HOMER1: variants seen among roughly 807,000 people sequenced by gnomAD.
HOMER1 encodes homer protein homolog 1.
In HOMER1, 3 loss-of-function variants were observed where a neutral mutation model predicts 48.9. That is an observed-to-expected ratio of 0.06 (90% CI 0.03 to 0.16). The LOEUF is 0.16. HOMER1 is among the 10% of genes least tolerant of loss of function. The probability of loss-of-function intolerance (pLI) is 1.00; values close to 1 mark genes in which losing one functional copy is unlikely to be tolerated. For missense variants in HOMER1, 247 were observed against 411.4 expected (o/e 0.60, Z 3.46); for synonymous variants, 134 against 146.4 (o/e 0.92, Z 0.61).
chr5:79,443,436 C>A (rs185395995), intron 4 of HOMER1, among the ~76,000 whole-genome samples: 1 of 152,046 alleles, frequency 6.6e-6, no homozygotes, highest in Non-Finnish European at 1.5e-5. Flanking sequence ...TGGAGCTCAC[C>A]GATCTGAGTT....
At chr5:79,465,651 G>C (rs6865200) in intron 1 of HOMER1, among the ~76,000 whole-genome samples, 37,840 of 136,678 alleles carry the variant, frequency 0.28, 5,128 homozygotes, top group South Asian at 0.4. Flanking sequence ...GGAGTGCAGT[G>C]GTGCAATCTT....
rs372276174 is a variant in HOMER1 at position 79,485,134 on chromosome 5, A to G, written c.5+27636T>C. 5.3e-5 allele frequency among the ~76,000 whole-genome samples: 8 copies of G among 151,870 alleles called. No individual in the cohort carries two copies. In the East Asian group the frequency reaches 1.4e-3, roughly 26 times the overall value. ...AAACAAAAACACTAGTACTGAGTGA[A>G]GGTGTGTTTTGCTTTCCCTGAGTAA... On this transcript the variant is annotated intron_variant, in intron 1 of 8. Transcript: ENST00000334082.
intron 1 of HOMER1, among the ~76,000 whole-genome samples, chr5:79,504,915 G>C (rs914597072): frequency 1.3e-5 from 2 of 152,138 alleles, no homozygotes; most frequent in African/African-American, 2.4e-5. Flanking sequence ...TTGTGGGTTA[G>C]GAAGCACAGC....
At chr5:79,406,195 A>G (rs1481167450) in intron 5 of HOMER1, among the ~76,000 whole-genome samples, 1 of 152,222 alleles carries the variant, frequency 6.6e-6, no homozygotes, top group East Asian at 1.9e-4. Flanking sequence ...AGATTCTTCA[A>G]ATTCATCCTA....
In HOMER1 at chr5:79,378,275, ACT is replaced by A. The variant is rs757107110; in HGVS notation, c.877-2080_877-2079del. On this transcript the variant is annotated intron_variant, in intron 8 of 8. Transcript: ENST00000334082. ...GCTCAAATACATTTAAAAAGTAATA[ACT>A]CTGGGTTATCTTTGTCAGTGGTTTG... Among the ~76,000 whole-genome samples the A allele has an allele frequency of 7.0e-4, 106 of 151,678 alleles. 1 individual carries two copies. Among genetic ancestry groups the A allele is most frequent in the Non-Finnish European group, 1.4e-3 (93 of 67,888 alleles).
At chr5:79,511,970 T>C (rs1310229216) in intron 1 of HOMER1, among the ~76,000 whole-genome samples, 1 of 152,238 alleles carries the variant, frequency 6.6e-6, no homozygotes, top group African/African-American at 2.4e-5. Flanking sequence ...ATTAATATAT[T>C]ATGGGTTTCC....
chr5:79,452,004 TC>T (rs573756773), intron 2 of HOMER1, among the ~76,000 whole-genome samples: 347 of 152,318 alleles, frequency 2.3e-3, no homozygotes, highest in African/African-American at 8.0e-3. Context: ...ATAGAGGTGT[TC>T]CTTGCTAGAC....
intron 1 of HOMER1, among the ~76,000 whole-genome samples, chr5:79,457,270 C>T (rs573075991): frequency 4.6e-5 from 7 of 152,136 alleles, no homozygotes; most frequent in Admixed American, 3.3e-4. Context: ...TATCTGTAAC[C>T]GCCAAATCAA....
intron 1 of HOMER1, among the ~76,000 whole-genome samples, chr5:79,468,688 T>G (rs1751541438): frequency 6.6e-6 from 1 of 152,238 alleles, no homozygotes; most frequent in Admixed American, 6.5e-5. Flanking sequence ...TGTTCCTGTA[T>G]GTTTTCTTGT....
intron 3 of HOMER1, among the ~76,000 whole-genome samples, chr5:79,449,599 A>T (rs1475099929): frequency 6.6e-6 from 1 of 152,120 alleles, no homozygotes; most frequent in East Asian, 1.9e-4. Flanking sequence ...CAGCCTCCCA[A>T]GTAGCTGGGA....
rs1170450016 is a variant in HOMER1 at position 79,397,578 on chromosome 5, T to C, written c.744A>G (p.Glu248=). 6.2e-7 allele frequency: 1 copy of C among 1,610,582 alleles called. No individual in the cohort carries two copies. The highest frequency in any genetic ancestry group is 8.5e-7 in the Non-Finnish European group (1 of 1,178,394). Residue 248 remains glutamate, a synonymous_variant, in exon 7 of 9, where the codon GAA becomes GAG. Coordinates refer to ENST00000334082, the MANE Select transcript of HOMER1 (RefSeq NM_004272.5). The stretch of plus-strand genomic sequence containing the variant: ...CCAGTTCTTGTATTGTCTGATTTAA[T>C]TCTGTCTTATGAGTATGTACTGCAT... ...QANAVHTHKT[E]LNQTIQELEE... is the part of the protein sequence containing the mutation.
intron 1 of HOMER1, among the ~76,000 whole-genome samples, chr5:79,502,407 C>T (rs1752621809): frequency 6.6e-6 from 1 of 151,876 alleles, no homozygotes; most frequent in Non-Finnish European, 1.5e-5. Flanking sequence ...ATACCCTCAC[C>T]CTTAAAACCC....
intron 5 of HOMER1, among the ~76,000 whole-genome samples, chr5:79,421,606 T>C (rs546538782): frequency 9.0e-4 from 137 of 152,004 alleles, no homozygotes; most frequent in African/African-American, 3.0e-3. Context: ...CCCTGTTATT[T>C]TTCTTTTTTT....
At position 79,439,235 on chromosome 5, in the gene HOMER1, T is replaced by A. The variant is rs1750679059; in HGVS notation, c.388-86A>T. On this transcript the variant is annotated intron_variant, in intron 4 of 8. Coordinates refer to ENST00000334082, the MANE Select transcript of HOMER1 (RefSeq NM_004272.5). Reference sequence around the variant, plus strand: ...ATCTTGAGGTTAAAACTGCCTTTGATGTATGCTTACTGATGAACCAAATTT... The same window carrying A: ...ATCTTGAGGTTAAAACTGCCTTTGAAGTATGCTTACTGATGAACCAAATTT... 3 of 1,312,372 alleles carry A rather than the reference T, an allele frequency of 2.3e-6. No individual in the cohort carries two copies. In the African/African-American group the frequency reaches 4.4e-5, roughly 19 times the overall value. 81.3% of individuals were successfully genotyped at this position (1,312,372 alleles called of 1,614,324 possible).
intron 1 of HOMER1, among the ~76,000 whole-genome samples, chr5:79,498,866 G>A (rs1010165150): frequency 7.2e-6 from 1 of 139,576 alleles, no homozygotes; most frequent in Non-Finnish European, 1.5e-5. Flanking sequence ...ACAGAGTCTC[G>A]CTCTGTCGCC....
chr5:79,450,485 T>C (rs62363112), intron 3 of HOMER1, among the ~76,000 whole-genome samples: 303 of 152,318 alleles, frequency 2.0e-3, no homozygotes, highest in Non-Finnish European at 3.3e-3. Context: ...AAATTCCTCA[T>C]GATGTCTATA....
rs1193895202 is a variant in HOMER1, at chr5:79,374,008, G to C, written c.*2001C>G. 6.6e-6 allele frequency: 1 copy of C among 151,772 alleles called. No homozygotes were observed. The highest frequency in any genetic ancestry group is 1.5e-5 in the Non-Finnish European group (1 of 67,786). The allele number at this position is 151,772 out of a possible 1,614,324, so 9.4% of individuals were successfully genotyped here. On this transcript the variant is annotated 3_prime_UTR_variant, in exon 9 of 9. Transcript: ENST00000334082. Reference sequence around the variant, plus strand: ...ATTACATCATTAAAATAATTCACTTGCCATTTCAACAGCTTACACTGTTTT... The same window carrying C: ...ATTACATCATTAAAATAATTCACTTCCCATTTCAACAGCTTACACTGTTTT...
chr5:79,445,229 A>T (rs1750843836), intron 4 of HOMER1, among the ~76,000 whole-genome samples: 1 of 152,244 alleles, frequency 6.6e-6, no homozygotes, highest in Non-Finnish European at 1.5e-5. Context: ...ATTATTCCAG[A>T]GAAACATTTG....
chr5:79,455,257 C>T (rs976427441), intron 2 of HOMER1, among the ~76,000 whole-genome samples: 2 of 152,094 alleles, frequency 1.3e-5, no homozygotes, highest in South Asian at 2.1e-4. Context: ...AAGCTAAATA[C>T]TTTGCTCAAG....
Sources: gnomAD v4.1 joint callset for allele counts (sites outside exome capture counted in the v4.1 genomes callset) on GRCh38, gnomAD v4.1.1 for gene constraint, MANE v1.5 for transcripts, NCBI Gene and HGNC (gene_info 2026-07-23, HGNC 2026-07-21) for gene names.